Variants in SMAD9 observed in about 807,000 individuals in gnomAD.
SMAD9 encodes MAD homolog 9.
A neutral mutation model predicts 46.1 loss-of-function variants in SMAD9; 36 were observed. That is an observed-to-expected ratio of 0.78 (90% CI 0.60 to 1.03). SMAD9 has a LOEUF of 1.03. Ranked by LOEUF, SMAD9 falls within the 50% of genes least tolerant of loss-of-function variation. SMAD9 has a pLI of 0.00. For synonymous variants in SMAD9, 245 were observed against 237.1 expected (o/e 1.03, Z -0.31); for missense variants, 572 against 599.8 (o/e 0.95, Z 0.48).
At chr13:36,872,129 T>C (rs1422247037) in intron 3 of SMAD9, among the ~76,000 whole-genome samples, 1 of 152,098 alleles carries the variant, frequency 6.6e-6, no homozygotes, top group Non-Finnish European at 1.5e-5. Context: ...ACTGAAGAGC[T>C]CTATATTTAA....
chr13:36,888,342 G>C (rs2058464495), intron 1 of SMAD9, among the ~76,000 whole-genome samples: 1 of 152,122 alleles, frequency 6.6e-6, no homozygotes, highest in South Asian at 2.1e-4. Flanking sequence ...CCCTCCTGCT[G>C]CCATGTAACA....
intron 5 of SMAD9, among the ~76,000 whole-genome samples, chr13:36,860,943 G>A (rs1238389287): frequency 6.6e-6 from 1 of 152,164 alleles, no homozygotes; most frequent in Non-Finnish European, 1.5e-5. Flanking sequence ...CATTTAAGTG[G>A]TAGCTTTTGG....
intron 2 of SMAD9, among the ~76,000 whole-genome samples, chr13:36,874,870 A>G (rs1190470208): frequency 7.0e-6 from 1 of 143,398 alleles, no homozygotes; most frequent in African/African-American, 2.5e-5. Context: ...AAAAAAAAAA[A>G]AAAAAAAAAT....
At chr13:36,881,538 C>T (rs780432675) in intron 1 of SMAD9, among the ~76,000 whole-genome samples, 1 of 152,140 alleles carries the variant, frequency 6.6e-6, no homozygotes, top group African/African-American at 2.4e-5. Context: ...CCCACAATAA[C>T]GGATGAGATT....
chr13:36,909,046 T>C (rs2138680948), intron 1 of SMAD9, among the ~76,000 whole-genome samples: 1 of 152,370 alleles, frequency 6.6e-6, no homozygotes, highest in Middle Eastern at 3.4e-3. Context: ...AATACAGTTC[T>C]CTTGGCCACT....
chr13:36,873,035 G>A (rs1246217649), intron 2 of SMAD9, 120 bp from the exon 3 acceptor site: 14 of 1,105,176 alleles, frequency 1.3e-5, no homozygotes, highest in Non-Finnish European at 1.6e-5. Context: ...TTCCCCTTGG[G>A]AACTACTCCC....
chr13:36,897,767 C>T (rs1434593287), intron 1 of SMAD9, among the ~76,000 whole-genome samples: 5 of 150,298 alleles, frequency 3.3e-5, no homozygotes, highest in South Asian at 2.1e-4. Context: ...TTGCTCAATT[C>T]ATGCAGTTCA....
chr13:36,898,207 G>A (rs527467989), intron 1 of SMAD9, among the ~76,000 whole-genome samples: 2 of 151,920 alleles, frequency 1.3e-5, no homozygotes, highest in Non-Finnish European at 2.9e-5. Context: ...ATTAGGGGTA[G>A]GTAACATAGT....
intron 1 of SMAD9, among the ~76,000 whole-genome samples, chr13:36,905,170 A>G (rs2058608794): frequency 6.6e-6 from 1 of 152,128 alleles, no homozygotes; most frequent in Non-Finnish European, 1.5e-5. Context: ...ACATCCTACA[A>G]GTTGGAGGAC....
intron 6 of SMAD9, chr13:36,852,429 A>G (rs1227700115): frequency 1.3e-5 from 13 of 984,284 alleles, no homozygotes; most frequent in Non-Finnish European, 1.4e-5. Context: ...GCAGGTGATG[A>G]AACTGAAGGC....
intron 1 of SMAD9, among the ~76,000 whole-genome samples, chr13:36,913,369 T>C (rs1020722965): frequency 2.0e-5 from 3 of 152,262 alleles, no homozygotes; most frequent in South Asian, 2.1e-4. Flanking sequence ...TGGGGCCTCA[T>C]AGGCAGGGTA....
At chr13:36,873,867 A>C (rs2058320492) in intron 2 of SMAD9, among the ~76,000 whole-genome samples, 1 of 152,254 alleles carries the variant, frequency 6.6e-6, no homozygotes, top group Non-Finnish European at 1.5e-5. Flanking sequence ...CTGTCTCAAA[A>C]AAATAAAATA....
chr13:36,868,309 G>A (rs558125013), intron 3 of SMAD9, among the ~76,000 whole-genome samples: 5 of 152,336 alleles, frequency 3.3e-5, no homozygotes, highest in South Asian at 2.1e-4. Flanking sequence ...TGCAGGGTTC[G>A]TGGACCATAC....
chr13:36,904,916 T>C (rs1025900221), intron 1 of SMAD9, among the ~76,000 whole-genome samples: 8 of 152,264 alleles, frequency 5.3e-5, no homozygotes, highest in African/African-American at 1.9e-4. Context: ...GCTTAATACA[T>C]ATTAATTATT....
rs891441846 is a variant in SMAD9, at chr13:36,896,894, G to A, written c.-186-17019C>T. On this transcript the variant is annotated intron_variant, in intron 1 of 6. Coordinates refer to ENST00000379826, the MANE Select transcript of SMAD9 (RefSeq NM_001127217.3). ...TACTTAATGTTTTTAAAGTTTTGAG[G>A]TAGCAAGAGTAATATCCAACTTTTA... 2.6e-5 allele frequency among the ~76,000 whole-genome samples: 4 copies of A among 151,644 alleles called. No homozygotes were observed. In the South Asian group the frequency reaches 8.3e-4, roughly 32 times the overall value.
rs997217548 is a variant in SMAD9 at position 36,911,639 on chromosome 13, T to C, written c.-187+8477A>G. Among the ~76,000 whole-genome samples the C allele has an allele frequency of 2.1e-5, 3 of 142,920 alleles. No individual in the cohort carries two copies. The Admixed American group carries it at 2.2e-4, about 10-fold the overall frequency. 93.8% of individuals were successfully genotyped at this position (142,920 alleles called of 152,430 possible). A position where few individuals can be genotyped will look rare whatever the true frequency, so the allele number is the denominator to read the frequency against. On this transcript the variant is annotated intron_variant, in intron 1 of 6. Coordinates refer to ENST00000379826, the MANE Select transcript of SMAD9 (RefSeq NM_001127217.3). ...CTGGGGGGGGGGGGGGCGGGTGGAG[T>C]TCATAAACTGATAAAGAATCACAAA...
At position 36,877,475 on chromosome 13, in the gene SMAD9, C is replaced by T. The variant is rs546958915; in HGVS notation, c.412+1803G>A. 1.3e-5 allele frequency among the ~76,000 whole-genome samples: 2 copies of T among 151,830 alleles called. 1 individual carries two copies. Among genetic ancestry groups the T allele is most frequent in the South Asian group, 4.2e-4 (2 of 4,778 alleles). The stretch of plus-strand genomic sequence containing the variant: ...ATTTCTTACAAGTTGTTAAATTTTA[C>T]AACTACATTATTCAGGAAGACAGAA... On this transcript the variant is annotated intron_variant, in intron 2 of 6. Coordinates refer to ENST00000379826, the MANE Select transcript of SMAD9 (RefSeq NM_001127217.3).
At chr13:36,908,610 G>A (rs967954053) in intron 1 of SMAD9, among the ~76,000 whole-genome samples, 2 of 152,074 alleles carry the variant, frequency 1.3e-5, no homozygotes, top group African/African-American at 4.8e-5. Flanking sequence ...CTAAATATGA[G>A]AATATTTGAA....
At chr13:36,858,904 G>GTC (rs1200329306) in intron 5 of SMAD9, among the ~76,000 whole-genome samples, 1 of 152,038 alleles carries the variant, frequency 6.6e-6, no homozygotes, top group African/African-American at 2.4e-5. Context: ...TAGTGACAGG[G>GTC]TCTCACCATG....
Sources: allele counts gnomAD v4.1 joint callset (sites outside exome capture counted in the v4.1 genomes callset), GRCh38; gene constraint gnomAD v4.1.1; transcripts MANE v1.5; gene names NCBI Gene and HGNC (gene_info 2026-07-23, HGNC 2026-07-21).